Variants in CD44 observed in about 807,000 individuals in gnomAD.
The protein encoded by CD44 is CD44 antigen.
CD44 carries 49 observed loss-of-function variants against 88.8 expected under a neutral mutation model. The ratio of observed to expected loss-of-function variants is 0.55; its 90% CI spans 0.44 to 0.70. The LOEUF (loss-of-function observed/expected upper bound fraction) is 0.70, where lower values mean the gene tolerates loss of function less well. CD44 is among the 30% of genes least tolerant of loss of function. CD44 has a pLI of 0.00. For synonymous variants in CD44, 325 were observed against 312.3 expected (o/e 1.04, Z -0.43); for missense variants, 883 against 913.8 (o/e 0.97, Z 0.43).
Position 35,168,973 on chromosome 11 carries a change from C to T in CD44, c.68-7602C>T, listed in dbSNP as rs572410377. On this transcript the variant is annotated intron_variant, in intron 1 of 17. Coordinates refer to ENST00000428726, the MANE Select transcript of CD44 (RefSeq NM_000610.4). ...AGTTGGTCTCTGAAACATTTGCTTT[C>T]GGGGAAAACAGCAAATGTTCACAGA... 8.5e-5 allele frequency among the ~76,000 whole-genome samples: 13 copies of T among 152,246 alleles called. No individual in the cohort carries two copies. In the South Asian group the frequency reaches 1.2e-3, roughly 15 times the overall value.
At chr11:35,179,321 G>A (rs1407489150) in intron 2 of CD44, among the ~76,000 whole-genome samples, 2 of 152,156 alleles carry the variant, frequency 1.3e-5, no homozygotes, top group Non-Finnish European at 2.9e-5. Flanking sequence ...CTGCACCACA[G>A]CTTCCCTTGC....
At chr11:35,144,629 C>G (rs1055148593) in intron 1 of CD44, among the ~76,000 whole-genome samples, 1 of 152,126 alleles carries the variant, frequency 6.6e-6, no homozygotes, top group Non-Finnish European at 1.5e-5. Context: ...GGAAGGGGTG[C>G]TTTCTAAAGT....
chr11:35,214,603 CCTT>C (rs1344338996), intron 14 of CD44: 1 of 364,550 alleles, frequency 2.7e-6, no homozygotes, highest in African/African-American at 2.1e-5. Context: ...CTGTGGTCAT[CCTT>C]CTTAGCCTTT....
At chr11:35,197,084 A>G (rs897526152) in intron 6 of CD44, 4 of 513,464 alleles carry the variant, frequency 7.8e-6, no homozygotes, top group Non-Finnish European at 1.4e-5. Context: ...ATGGATTAGT[A>G]TAGACCAGGA....
chr11:35,189,561 C>T (rs1387555003), intron 4 of CD44, among the ~76,000 whole-genome samples: 1 of 152,156 alleles, frequency 6.6e-6, no homozygotes, highest in Non-Finnish European at 1.5e-5. Flanking sequence ...GAAACTGAAG[C>T]TCAGAGTTGC....
chr11:35,144,054 A>C (rs1315860043), intron 1 of CD44, among the ~76,000 whole-genome samples: 1 of 152,200 alleles, frequency 6.6e-6, no homozygotes, highest in Non-Finnish European at 1.5e-5. Flanking sequence ...TGGGTCTTGA[A>C]CTGAAACCCA....
chr11:35,209,891 T>A (rs1438019684), intron 12 of CD44, 74 bp from the exon 13 acceptor site: 1 of 964,242 alleles, frequency 1.0e-6, no homozygotes, highest in Non-Finnish European at 1.6e-6. Context: ...CTAGCTAGAT[T>A]TTCCTTGCTA....
At chr11:35,206,335 G>A (rs1457393484) in intron 11 of CD44, 92 bp downstream of exon 11, 6 of 1,316,838 alleles carry the variant, frequency 4.6e-6, no homozygotes, top group African/African-American at 3.0e-5. Context: ...CTTGGTTTTA[G>A]ACCAAACTAC....
chr11:35,196,504 C>A lies in CD44; in HGVS notation c.668-242C>A, dbSNP rs540687278. ...GCTCTGTCCAGCAAAATTTTTAAATCTTTAATATAAGGAGCATGAACCAGA... is the reference window on the plus strand; with the variant it reads ...GCTCTGTCCAGCAAAATTTTTAAATATTTAATATAAGGAGCATGAACCAGA... On this transcript the variant is annotated intron_variant, in intron 5 of 17. Coordinates refer to ENST00000428726, the MANE Select transcript of CD44 (RefSeq NM_000610.4). Among the ~76,000 whole-genome samples the A allele has an allele frequency of 2.7e-5, 4 of 145,996 alleles. No individual in the cohort carries two copies. The South Asian group carries it at 9.2e-4, about 34-fold the overall frequency.
chr11:35,195,818 A>G (rs1411295996), intron 5 of CD44, among the ~76,000 whole-genome samples: 2 of 151,940 alleles, frequency 1.3e-5, no homozygotes, highest in Non-Finnish European at 2.9e-5. Flanking sequence ...TGATTATCCT[A>G]TTTTCAAAGA....
chr11:35,149,124 A>G (rs1859801106), intron 1 of CD44, among the ~76,000 whole-genome samples: 2 of 152,204 alleles, frequency 1.3e-5, no homozygotes, highest in Non-Finnish European at 2.9e-5. Context: ...CTTTACTTCC[A>G]AATCTGGCCT....
At chr11:35,147,813 G>A (rs1859473391) in intron 1 of CD44, among the ~76,000 whole-genome samples, 1 of 152,052 alleles carries the variant, frequency 6.6e-6, no homozygotes, top group Non-Finnish European at 1.5e-5. Context: ...AGAGGGCTGG[G>A]AAAGGTGGCT....
At position 35,208,092 on chromosome 11, in the gene CD44, T is replaced by C. The variant is rs375007615; in HGVS notation, c.1415-13T>C. The C allele has an allele frequency of 5.7e-5, 86 of 1,497,130 alleles. No homozygotes were observed. In the African/African-American group the frequency reaches 1.1e-3, roughly 19 times the overall value. The allele number at this position is 1,497,130 out of a possible 1,614,324, so 92.7% of individuals were successfully genotyped here. A position where few individuals can be genotyped will look rare whatever the true frequency, so the allele number is the denominator to read the frequency against. ...GGGAAATCAAGCAATAACACTAATA[T>C]TGATTCCTTCAGATATGGACTCCAG... is the stretch of plus-strand genomic sequence containing the variant. On this transcript the variant is annotated splice_polypyrimidine_tract_variant and intron_variant, in intron 11 of 17. Transcript: ENST00000428726.
chr11:35,194,805 T>C (rs1185830478), intron 5 of CD44, among the ~76,000 whole-genome samples: 4 of 152,232 alleles, frequency 2.6e-5, no homozygotes, highest in African/African-American at 9.6e-5. Flanking sequence ...TATGAATCAA[T>C]AGTTTTGAAT....
chr11:35,190,943 A>G lies in CD44; in HGVS notation c.667+878A>G, dbSNP rs546564313. ...GCCCCTCGCGCTTCAGCTCCACTGGAAAGTGTTTACATCTCTCTTGTCTCC... is the reference window on the plus strand; with the variant it reads ...GCCCCTCGCGCTTCAGCTCCACTGGGAAGTGTTTACATCTCTCTTGTCTCC... On this transcript the variant is annotated intron_variant, in intron 5 of 17. Transcript: ENST00000428726. 3.9e-5 allele frequency among the ~76,000 whole-genome samples: 6 copies of G among 152,254 alleles called. No homozygotes were observed. The East Asian group carries it at 5.8e-4, about 15-fold the overall frequency.
chr11:35,154,694 G>T (rs555967372), intron 1 of CD44, among the ~76,000 whole-genome samples: 1 of 152,106 alleles, frequency 6.6e-6, no homozygotes, highest in East Asian at 1.9e-4. Flanking sequence ...TGGAGTTATA[G>T]GTATCATGAT....
chr11:35,166,552 C>G (rs1247469699), intron 1 of CD44, among the ~76,000 whole-genome samples: 2 of 152,172 alleles, frequency 1.3e-5, no homozygotes, highest in East Asian at 3.8e-4. Context: ...GCCAGGGTAA[C>G]AGCTAGGAGA....
intron 9 of CD44, 38 bp from the exon 10 acceptor site, chr11:35,204,474 T>C: frequency 1.2e-6 from 2 of 1,606,908 alleles, no homozygotes; most frequent in Non-Finnish European, 1.7e-6. Context: ...GTGAGGAAAA[T>C]AGACAATTAT....
chr11:35,186,168 A>G (rs535413638), intron 3 of CD44, among the ~76,000 whole-genome samples: 1 of 152,380 alleles, frequency 6.6e-6, no homozygotes, highest in East Asian at 1.9e-4. Flanking sequence ...GCTGAGAAGC[A>G]GTCTATACAG....
Sources: gnomAD v4.1 joint callset for allele counts (sites outside exome capture counted in the v4.1 genomes callset) on GRCh38, gnomAD v4.1.1 for gene constraint, MANE v1.5 for transcripts, NCBI Gene and HGNC (gene_info 2026-07-23, HGNC 2026-07-21) for gene names.